Variants in HELZ observed in about 807,000 individuals in gnomAD.
HELZ encodes helicase with zinc finger.
A neutral mutation model predicts 218.2 loss-of-function variants in HELZ; 23 were observed. The ratio of observed to expected loss-of-function variants is 0.11; its 90% confidence interval spans 0.08 to 0.15. HELZ has a LOEUF of 0.15. Among genes scored for constraint, HELZ ranks in the 10% least tolerant of loss-of-function variants. HELZ has a pLI of 1.00. For missense variants in HELZ, 1,813 were observed against 2,353.7 expected, an observed-to-expected ratio of 0.77 and a Z score of 4.75; for synonymous variants, 814 against 829.4, an observed-to-expected ratio of 0.98 and a Z score of 0.32.
At chr17:67,132,777 A>G (rs751732970) in intron 23 of HELZ, among the ~76,000 whole-genome samples, 2 of 152,240 alleles carry the variant, frequency 1.3e-5, no homozygotes, top group African/African-American at 2.4e-5. Context: ...TAAAAATACA[A>G]CAAAAAAGAA....
intron 3 of HELZ, among the ~76,000 whole-genome samples, chr17:67,232,463 A>T (rs988508539): frequency 4.6e-5 from 7 of 152,152 alleles, no homozygotes; most frequent in Non-Finnish European, 8.8e-5. Flanking sequence ...TGTATTTTAA[A>T]ATTTTTAACA....
At chr17:67,143,620 G>GAA (rs574335682) in intron 21 of HELZ, among the ~76,000 whole-genome samples, 1 of 133,788 alleles carries the variant, frequency 7.5e-6, no homozygotes. Flanking sequence ...AAAAAACAAA[G>GAA]AAAAAAAAAA....
intron 7 of HELZ, among the ~76,000 whole-genome samples, chr17:67,198,057 G>T (rs73330312): frequency 5.9e-5 from 9 of 152,036 alleles, no homozygotes; most frequent in African/African-American, 9.7e-5. Context: ...CCCTTCAAAT[G>T]ATTCTATTTA....
intron 27 of HELZ, among the ~76,000 whole-genome samples, chr17:67,116,488 C>T (rs964484001): frequency 6.1e-5 from 9 of 148,508 alleles, no homozygotes; most frequent in Non-Finnish European, 1.3e-4. Context: ...TAAAAATACA[C>T]ACACACACAC....
At chr17:67,225,307 A>T (rs1426946826) in intron 3 of HELZ, 1 of 199,622 alleles carries the variant, frequency 5.0e-6, no homozygotes, top group Non-Finnish European at 1.0e-5. Context: ...TGAAGCACAG[A>T]GTTAACTTAT....
chr17:67,233,242 A>G lies in HELZ; in HGVS notation c.-19+6191T>C, dbSNP rs188436909. On this transcript the variant is annotated intron_variant, in intron 3 of 32. Transcript: ENST00000358691. ...ATGGCATGCCCCTGTGATCCCAGCT[A>G]CTTGGGAAGCTGAGGTGGGAGAATC... is the stretch of plus-strand genomic sequence containing the variant. 2.3e-3 allele frequency among the ~76,000 whole-genome samples: 347 copies of G among 152,358 alleles called. 1 individual carries two copies. The highest frequency in any genetic ancestry group is 5.4e-3 in the Admixed American group (82 of 15,306).
At position 67,128,859 on chromosome 17, in the gene HELZ, C is replaced by G; in HGVS notation, c.3183-4G>C. The G allele has an allele frequency of 6.2e-7, 1 of 1,607,488 alleles. No individual in the cohort carries two copies. Among genetic ancestry groups the G allele is most frequent in the Non-Finnish European group, 8.5e-7 (1 of 1,174,208 alleles). ...AATAAACCGTTCCCAAAATTTCCTA[C>G]AGAAAAGATTTACAAGATCAGATTA... On this transcript the variant is annotated splice_region_variant and splice_polypyrimidine_tract_variant and intron_variant, in intron 23 of 32. Coordinates refer to ENST00000358691, the MANE Select transcript of HELZ (RefSeq NM_014877.4).
chr17:67,086,779 TC>T (rs766343076), intron 32 of HELZ, 49 bp downstream of exon 32: 106 of 1,590,644 alleles, frequency 6.7e-5, no homozygotes, highest in Non-Finnish European at 8.2e-5. Flanking sequence ...TCCACAGATA[TC>T]CGGGAGCTGA....
chr17:67,192,399 C>T (rs2039921358), intron 9 of HELZ, among the ~76,000 whole-genome samples: 1 of 151,964 alleles, frequency 6.6e-6, no homozygotes, highest in African/African-American at 2.4e-5. Flanking sequence ...AAAACTTTTC[C>T]TGATGGTACA....
intron 32 of HELZ, among the ~76,000 whole-genome samples, chr17:67,083,647 A>T (rs1271246136): frequency 6.6e-6 from 1 of 152,192 alleles, no homozygotes; most frequent in Non-Finnish European, 1.5e-5. Context: ...AACAAAACAA[A>T]CAAACAAAAA....
At chr17:67,212,314 C>CAGAA (rs778990179) in intron 5 of HELZ, among the ~76,000 whole-genome samples, 1 of 21,396 alleles carries the variant, frequency 4.7e-5, no homozygotes, top group African/African-American at 1.6e-4. Context: ...GACACCATCT[C>CAGAA]AAAAAAAAAA....
chr17:67,103,008 G>T (rs1303768737), intron 31 of HELZ, among the ~76,000 whole-genome samples: 1 of 152,160 alleles, frequency 6.6e-6, no homozygotes, highest in Admixed American at 6.5e-5. Context: ...TCAATATGAA[G>T]TATTATTTAG....
intron 4 of HELZ, among the ~76,000 whole-genome samples, chr17:67,217,733 T>C (rs1224168835): frequency 6.6e-6 from 1 of 152,080 alleles, no homozygotes; most frequent in African/African-American, 2.4e-5. Context: ...TTCCTCCAGT[T>C]TTACACATGG....
At chr17:67,223,091 CAAAAAAAAAA>C (rs1170812696) in intron 3 of HELZ, among the ~76,000 whole-genome samples, 1 of 95,158 alleles carries the variant, frequency 1.1e-5, no homozygotes, top group African/African-American at 3.8e-5. Context: ...ACTAAAAATA[CAAAAAAAAAA>C]AAAAAAAAAT....
intron 3 of HELZ, among the ~76,000 whole-genome samples, chr17:67,238,694 T>A (rs1486448086): frequency 2.6e-5 from 4 of 152,090 alleles, no homozygotes; most frequent in Non-Finnish European, 5.9e-5. Flanking sequence ...CTCAAAAAAA[T>A]AATAATAATT....
intron 13 of HELZ, chr17:67,172,992 G>A (rs2039355772): frequency 2.1e-6 from 2 of 931,580 alleles, no homozygotes; most frequent in Non-Finnish European, 2.6e-6. Flanking sequence ...GGCATGAAAA[G>A]TTAATCTCAC....
intron 22 of HELZ, among the ~76,000 whole-genome samples, chr17:67,136,964 C>T (rs952946363): frequency 6.6e-6 from 1 of 151,936 alleles, no homozygotes; most frequent in African/African-American, 2.4e-5. Flanking sequence ...CATTTTACCA[C>T]CATAAAAAAA....
At chr17:67,099,489 C>T (rs140217610) in intron 31 of HELZ, among the ~76,000 whole-genome samples, 4 of 152,202 alleles carry the variant, frequency 2.6e-5, no homozygotes, top group African/African-American at 9.6e-5. Context: ...CATATAATCA[C>T]GATTTTCAAA....
rs1166866254 is a variant in HELZ at position 67,215,883 on chromosome 17, T to C, written c.247+16A>G. The C allele has an allele frequency of 4.0e-6, 6 of 1,511,200 alleles. No individual in the cohort carries two copies. Among genetic ancestry groups the C allele is most frequent in the Non-Finnish European group, 4.6e-6 (5 of 1,090,966 alleles). 93.6% of individuals were successfully genotyped at this position (1,511,200 alleles called of 1,614,324 possible). On this transcript the variant is annotated intron_variant, in intron 5 of 32. Transcript: ENST00000358691. ...ATTGTTCAATTCAATAATTCGAGTC[T>C]CATTTTTAAACATACCATGTCTACA... is the stretch of plus-strand genomic sequence containing the variant.
Sources: gnomAD v4.1 joint callset for allele counts (sites outside exome capture counted in the v4.1 genomes callset) on GRCh38, gnomAD v4.1.1 for gene constraint, MANE v1.5 for transcripts, NCBI Gene and HGNC (gene_info 2026-07-23, HGNC 2026-07-21) for gene names.